Variants in CCND3 observed in about 807,000 individuals in gnomAD.
CCND3 encodes the protein G1/S-specific cyclin-D3.
Under a neutral mutation model 28.7 loss-of-function variants are expected in CCND3, and 9 were observed. That is an observed-to-expected ratio of 0.31 (90% CI 0.19 to 0.55). The LOEUF (loss-of-function observed/expected upper bound fraction) is 0.55, where lower values mean the gene tolerates loss of function less well. Among genes scored for constraint, CCND3 ranks in the 20% least tolerant of loss-of-function variants. The pLI is 0.93. For missense variants in CCND3, 315 were observed against 385.8 expected, an observed-to-expected ratio of 0.82 and a Z score of 1.54; for synonymous variants, 164 against 163.9, an observed-to-expected ratio of 1.00 and a Z score of 0.00.
intron 1 of CCND3, among the ~76,000 whole-genome samples, chr6:42,035,219 T>C (rs1442026740): frequency 6.6e-6 from 1 of 152,190 alleles, no homozygotes; most frequent in Non-Finnish European, 1.5e-5. Flanking sequence ...TGCGGAAGCA[T>C]GCATGGTGCC....
Position 41,995,617 on chromosome 6 carries a change from T to C in CCND3, c.-46+52884A>G, listed in dbSNP as rs1456242072. Among the ~76,000 whole-genome samples the C allele has an allele frequency of 2.0e-5, 3 of 152,302 alleles. No individual in the cohort carries two copies. In the East Asian group the frequency reaches 5.8e-4, roughly 29 times the overall value. On this transcript the variant is annotated intron_variant, in intron 1 of 4. Transcript: ENST00000372988. ...TTGAAAAAAGCAGTATAAACAATTG[T>C]ATAAATGGAATGATAAAATTGTGTA...
chr6:41,990,430 A>C (rs1249401654), intron 1 of CCND3, among the ~76,000 whole-genome samples: 1 of 152,106 alleles, frequency 6.6e-6, no homozygotes, highest in African/African-American at 2.4e-5. Context: ...TTCTTCATAG[A>C]AATAGAAAAA....
chr6:41,970,195 T>G (rs1235600382), intron 1 of CCND3, among the ~76,000 whole-genome samples: 2 of 151,888 alleles, frequency 1.3e-5, no homozygotes, highest in African/African-American at 4.8e-5. Flanking sequence ...AAAATTTAGC[T>G]GGGCGTGGTG....
chr6:42,028,469 T>C (rs1763945916), intron 1 of CCND3, among the ~76,000 whole-genome samples: 1 of 152,236 alleles, frequency 6.6e-6, no homozygotes, highest in African/African-American at 2.4e-5. Flanking sequence ...TCTGCCGGGT[T>C]GGACACCCTT....
rs1764600362 is a variant in CCND3 at position 42,048,115 on chromosome 6, C to G, written c.-46+386G>C. On this transcript the variant is annotated intron_variant, in intron 1 of 4. Transcript: ENST00000372988. The surrounding 1 kb of genome is among the most constrained non-coding windows in gnomAD (Gnocchi z 4.7). ...TCAGACACCACTGAGGGGTCCCTCC[C>G]TCCAGTTTCATCCCGGTGCACTTGC... 2 of 172,548 alleles carry G rather than the reference C, an allele frequency of 1.2e-5. No individual in the cohort carries two copies. The highest frequency in any genetic ancestry group is 2.2e-4 in the South Asian group (2 of 8,934). 10.7% of individuals were successfully genotyped at this position (172,548 alleles called of 1,614,324 possible).
At chr6:42,009,183 C>T (rs1041960287) in intron 1 of CCND3, among the ~76,000 whole-genome samples, 2 of 152,168 alleles carry the variant, frequency 1.3e-5, no homozygotes, top group African/African-American at 4.8e-5. Flanking sequence ...TTATCAGAAA[C>T]CTTAAGGGGA....
At chr6:41,982,881 C>CAAAA (rs56117421) in intron 1 of CCND3, among the ~76,000 whole-genome samples, 5 of 94,420 alleles carry the variant, frequency 5.3e-5, no homozygotes, top group Non-Finnish European at 8.9e-5. Context: ...CATCCACATG[C>CAAAA]AAAAAAAAAA....
At chr6:42,017,346 A>G (rs1029540493) in intron 1 of CCND3, among the ~76,000 whole-genome samples, 12 of 152,240 alleles carry the variant, frequency 7.9e-5, no homozygotes, top group Admixed American at 7.2e-4. Context: ...TCATCTCTAA[A>G]GGAAAAGCAG....
In CCND3 at chr6:41,941,019, G is replaced by A; in HGVS notation, c.198+433C>T. 1.2e-6 allele frequency: 2 copies of A among 1,610,372 alleles called. No homozygotes were observed. The highest frequency in any genetic ancestry group is 2.2e-5 in the South Asian group (2 of 90,990). Reference sequence around the variant, plus strand: ...TTTCATTTCCCTGTCGGCCGGAACAGGGCGCGCGCCACCCCCATCGCCTTC... The same window carrying A: ...TTTCATTTCCCTGTCGGCCGGAACAAGGCGCGCGCCACCCCCATCGCCTTC... On this transcript the variant is annotated intron_variant, in intron 1 of 4. Coordinates refer to ENST00000372991, the MANE Select transcript of CCND3 (RefSeq NM_001760.5). The surrounding 1 kb of genome is among the most constrained non-coding windows in gnomAD (Gnocchi z 6.1).
chr6:42,024,832 G>A (rs1160728947), intron 1 of CCND3, among the ~76,000 whole-genome samples: 2 of 152,212 alleles, frequency 1.3e-5, no homozygotes, highest in African/African-American at 4.8e-5. Context: ...GCTGAGGAGG[G>A]CAGATCACCT....
At chr6:42,047,564 C>G (rs1174018729) in intron 1 of CCND3, among the ~76,000 whole-genome samples, 3 of 152,128 alleles carry the variant, frequency 2.0e-5, no homozygotes, top group Non-Finnish European at 2.9e-5. Context: ...GTCACATCAC[C>G]CCCAGGTGGA....
intron 1 of CCND3, among the ~76,000 whole-genome samples, chr6:42,020,404 C>T (rs1389157811): frequency 6.6e-6 from 1 of 152,246 alleles, no homozygotes; most frequent in Non-Finnish European, 1.5e-5. Context: ...TTGGCTCTCT[C>T]TCTGTCCTCC....
chr6:42,036,357 C>T (rs1447442784), intron 1 of CCND3, among the ~76,000 whole-genome samples: 1 of 129,256 alleles, frequency 7.7e-6, no homozygotes, highest in Non-Finnish European at 1.6e-5. Flanking sequence ...TCTTGTTGCC[C>T]AGGCTGGAGT....
At position 42,048,448 on chromosome 6, in the gene CCND3, C is replaced by G; in HGVS notation, c.-46+53G>C. ...AGCACCGATCCCCAACGCATGGTCTCCAGCCTGAGCTGACATCCCATCTAC... is the reference window on the plus strand; with the variant it reads ...AGCACCGATCCCCAACGCATGGTCTGCAGCCTGAGCTGACATCCCATCTAC... On this transcript the variant is annotated intron_variant, in intron 1 of 4. Transcript: ENST00000372988. This position sits in a 1 kb window ranked among gnomAD's most constrained non-coding sequence, Gnocchi z 4.7. 2.2e-6 allele frequency: 1 copy of G among 452,814 alleles called. No homozygotes were observed. 28.0% of individuals were successfully genotyped at this position (452,814 alleles called of 1,614,324 possible).
chr6:42,009,835 G>T (rs1763289224), intron 1 of CCND3, among the ~76,000 whole-genome samples: 2 of 151,926 alleles, frequency 1.3e-5, no homozygotes, highest in African/African-American at 2.4e-5. Flanking sequence ...AAAACCTTAA[G>T]GGGAGCCCTA....
intron 1 of CCND3, among the ~76,000 whole-genome samples, chr6:41,964,719 C>T (rs1264932838): frequency 1.3e-5 from 2 of 152,160 alleles, no homozygotes; most frequent in African/African-American, 4.8e-5. Context: ...GAGACCTGGA[C>T]TTGTCCCCTA....
chr6:42,007,515 G>T (rs368516195), intron 1 of CCND3, among the ~76,000 whole-genome samples: 1 of 152,314 alleles, frequency 6.6e-6, no homozygotes, highest in South Asian at 2.1e-4. Context: ...AATGCAGGGG[G>T]TTAAATGGTG....
intron 1 of CCND3, among the ~76,000 whole-genome samples, chr6:41,996,983 C>G (rs1355888759): frequency 5.3e-5 from 8 of 152,142 alleles, no homozygotes; most frequent in Non-Finnish European, 1.0e-4. Context: ...TTTTTATATC[C>G]TGCTGCCCAC....
chr6:41,990,671 T>C (rs1420863225), intron 1 of CCND3, among the ~76,000 whole-genome samples: 1 of 83,404 alleles, frequency 1.2e-5, no homozygotes, highest in Non-Finnish European at 2.8e-5. Context: ...TTTTTTTTTT[T>C]TTTTTTTTTT....
Sources: allele counts gnomAD v4.1 joint callset (sites outside exome capture counted in the v4.1 genomes callset), GRCh38; gene constraint gnomAD v4.1.1; non-coding constraint Gnocchi (gnomAD v3.1); transcripts MANE v1.5; gene names NCBI Gene and HGNC (gene_info 2026-07-23, HGNC 2026-07-21).